LZTFL1: variants seen among roughly 807,000 people sequenced by gnomAD.
LZTFL1 encodes the protein leucine zipper transcription factor like 1, also known as leucine zipper transcription factor-like protein 1.
Under a neutral mutation model 45.9 loss-of-function variants are expected in LZTFL1, and 25 were observed. The ratio of observed to expected loss-of-function variants is 0.54; its 90% CI spans 0.40 to 0.76. The LOEUF (loss-of-function observed/expected upper bound fraction) is 0.76. LZTFL1 is among the 30% of genes least tolerant of loss of function. The probability of loss-of-function intolerance (pLI) is 0.00; values close to 1 mark genes in which losing one functional copy is unlikely to be tolerated. For synonymous variants in LZTFL1, 93 were observed against 117.4 expected, an observed-to-expected ratio of 0.79 and a Z score of 1.35; for missense variants, 277 against 331.1, an observed-to-expected ratio of 0.84 and a Z score of 1.27.
At chr3:45,892,061 T>C (rs897633996) in intron 2 of LZTFL1, among the ~76,000 whole-genome samples, 3 of 152,048 alleles carry the variant, frequency 2.0e-5, no homozygotes, top group Non-Finnish European at 4.4e-5. Context: ...GCCCTGGCTG[T>C]TTAGTGGAGA....
chr3:45,841,523 T>C lies in LZTFL1; in HGVS notation c.3+466A>G, dbSNP rs978371945. On this transcript the variant is annotated intron_variant, in intron 1 of 9. Coordinates refer to ENST00000296135, the MANE Select transcript of LZTFL1 (RefSeq NM_020347.4). ...GGATTCGTTCTCCCTGCTCCTCTGG[T>C]TACCGCGCGCGCGCGTGTGTCTGTG... 3.9e-5 allele frequency among the ~76,000 whole-genome samples: 6 copies of C among 152,366 alleles called. No individual in the cohort carries two copies. In the East Asian group the frequency reaches 9.6e-4, roughly 25 times the overall value.
At position 45,833,443 on chromosome 3, in the gene LZTFL1, G is replaced by C. The variant is rs548922779; in HGVS notation, c.385-322C>G. Among the ~76,000 whole-genome samples the C allele has an allele frequency of 2.0e-5, 3 of 152,256 alleles. No individual in the cohort carries two copies. In the East Asian group the frequency reaches 5.8e-4, roughly 29 times the overall value. ...AGCTCAAAGCCAGATCTGATATAGA[G>C]CCTAGCATCTAGCAACTAGAATTTT... On this transcript the variant is annotated intron_variant, in intron 4 of 9. Coordinates refer to ENST00000296135, the MANE Select transcript of LZTFL1 (RefSeq NM_020347.4).
intron 2 of LZTFL1, among the ~76,000 whole-genome samples, chr3:45,904,947 G>A (rs1379010949): frequency 6.6e-6 from 1 of 152,068 alleles, no homozygotes; most frequent in African/African-American, 2.4e-5. Flanking sequence ...ACAGATCTCT[G>A]TCCCTCACTG....
At chr3:45,863,974 T>C (rs1328427324) in intron 2 of LZTFL1, among the ~76,000 whole-genome samples, 3 of 152,358 alleles carry the variant, frequency 2.0e-5, no homozygotes, top group Admixed American at 2.0e-4. Context: ...AATGTTGTTG[T>C]TTGTCAAGCA....
intron 2 of LZTFL1, among the ~76,000 whole-genome samples, chr3:45,899,693 G>C (rs972497810): frequency 2.0e-5 from 3 of 152,174 alleles, no homozygotes; most frequent in African/African-American, 7.2e-5. Flanking sequence ...GGAAGTGAGA[G>C]CGCTTGAAGA....
At position 45,900,673 on chromosome 3, in the gene LZTFL1, C is replaced by A; in HGVS notation, c.-215+12447G>T. 2.6e-6 allele frequency: 2 copies of A among 777,398 alleles called. No individual in the cohort carries two copies. The highest frequency in any genetic ancestry group is 4.2e-6 in the Non-Finnish European group (2 of 477,016). 48.2% of individuals were successfully genotyped at this position (777,398 alleles called of 1,614,324 possible). A position where few individuals can be genotyped will look rare whatever the true frequency, so the allele number is the denominator to read the frequency against. ...AATATGTCACAACCCAAGCAGATGT[C>A]CTCAGAATGCCTATGTGTCTTTGGC... On this transcript the variant is annotated intron_variant, in intron 2 of 4. Transcript: ENST00000472635. The surrounding 1 kb of genome is among the most constrained non-coding windows in gnomAD (Gnocchi z 4.7).
chr3:45,878,446 T>C (rs976880765), intron 2 of LZTFL1, among the ~76,000 whole-genome samples: 1 of 152,166 alleles, frequency 6.6e-6, no homozygotes, highest in Non-Finnish European at 1.5e-5. Context: ...GTTAATATAC[T>C]ATAGGGCCAG....
In LZTFL1 at chr3:45,901,675, A is replaced by G; in HGVS notation, c.-215+11445T>C. 1 of 1,613,930 alleles carries G rather than the reference A, an allele frequency of 6.2e-7. No homozygotes were observed. The highest frequency in any genetic ancestry group is 8.5e-7 in the Non-Finnish European group (1 of 1,179,802). On this transcript the variant is annotated intron_variant, in intron 2 of 4. Coordinates refer to the LZTFL1 transcript ENST00000472635. The surrounding 1 kb of genome is among the most constrained non-coding windows in gnomAD (Gnocchi z 4.3). The stretch of plus-strand genomic sequence containing the variant: ...AACTGTGCCGTTTCCACCAACATTG[A>G]CATCTGCTTCCAGGTCACCCAGACC...
chr3:45,878,300 C>G (rs1356531725), intron 2 of LZTFL1, among the ~76,000 whole-genome samples: 1 of 152,148 alleles, frequency 6.6e-6, no homozygotes, highest in Non-Finnish European at 1.5e-5. Flanking sequence ...GGGGCCTGAC[C>G]TTTTGATGTG....
At chr3:45,868,038 TGAA>T (rs1701606602) in intron 2 of LZTFL1, among the ~76,000 whole-genome samples, 1 of 148,222 alleles carries the variant, frequency 6.7e-6, no homozygotes, top group South Asian at 2.1e-4. Flanking sequence ...AAAATCCTCT[TGAA>T]AGAAAATTGC....
At chr3:45,837,822 T>G (rs1701004199) in intron 2 of LZTFL1, 105 bp downstream of exon 2, 2 of 1,246,388 alleles carry the variant, frequency 1.6e-6, no homozygotes, top group African/African-American at 1.5e-5. Context: ...TAATTGATCA[T>G]GATGAATCCC....
chr3:45,896,143 T>TA (rs1325113544), intron 2 of LZTFL1, among the ~76,000 whole-genome samples: 1 of 152,272 alleles, frequency 6.6e-6, no homozygotes, highest in African/African-American at 2.4e-5. Flanking sequence ...TGACAAAAAG[T>TA]AGACTCTTCA....
At chr3:45,828,333 C>A in intron 8 of LZTFL1, 106 bp downstream of exon 8, 2 of 949,780 alleles carry the variant, frequency 2.1e-6, no homozygotes, top group Non-Finnish European at 3.1e-6. Context: ...AAAAAATAAT[C>A]TGAATTTGCA....
chr3:45,860,545 T>C (rs1336844666), intron 2 of LZTFL1, among the ~76,000 whole-genome samples: 2 of 152,088 alleles, frequency 1.3e-5, no homozygotes, highest in South Asian at 2.1e-4. Flanking sequence ...CTTAATAAGA[T>C]TGTGAGGTTC....
intron 2 of LZTFL1, among the ~76,000 whole-genome samples, chr3:45,836,645 A>G (rs1347141743): frequency 6.6e-6 from 1 of 152,084 alleles, no homozygotes; most frequent in East Asian, 1.9e-4. Context: ...ACAAAGTGAG[A>G]CTCCGTCTCA....
At chr3:45,904,381 G>A (rs1702637544) in intron 2 of LZTFL1, among the ~76,000 whole-genome samples, 1 of 152,202 alleles carries the variant, frequency 6.6e-6, no homozygotes, top group Admixed American at 6.5e-5. Context: ...GGGGACTGGT[G>A]GTCAAGGAAG....
At chr3:45,873,360 G>A (rs1006785195) in intron 2 of LZTFL1, among the ~76,000 whole-genome samples, 7 of 152,180 alleles carry the variant, frequency 4.6e-5, no homozygotes, top group Admixed American at 2.6e-4. Flanking sequence ...ATCAATGTTA[G>A]ACATTCTTCA....
At position 45,825,337 on chromosome 3, in the gene LZTFL1, G is replaced by A. The variant is rs572384893; in HGVS notation, c.*977C>T. On this transcript the variant is annotated 3_prime_UTR_variant, in exon 10 of 10. Transcript: ENST00000296135. ...TAGTATATCACTGCCTTACATAACT[G>A]TGGATATGATGCCCAGTTTCTAATG... The A allele has an allele frequency of 2.0e-5, 3 of 153,492 alleles. No homozygotes were observed. In the South Asian group the frequency reaches 6.2e-4, roughly 32 times the overall value. The allele number at this position is 153,492 out of a possible 1,614,324, so 9.5% of individuals were successfully genotyped here.
At chr3:45,867,354 GA>G (rs1701594810) in intron 2 of LZTFL1, among the ~76,000 whole-genome samples, 2 of 152,066 alleles carry the variant, frequency 1.3e-5, no homozygotes, top group Non-Finnish European at 2.9e-5. Flanking sequence ...AACTTGTAAT[GA>G]TGGGCACTTC....
Sources: gnomAD v4.1 joint callset for allele counts (sites outside exome capture counted in the v4.1 genomes callset) on GRCh38, gnomAD v4.1.1 for gene constraint, Gnocchi (gnomAD v3.1) non-coding constraint, MANE v1.5 for transcripts, NCBI Gene and HGNC (gene_info 2026-07-23, HGNC 2026-07-21) for gene names.